WDR72: variants seen among roughly 807,000 people sequenced by gnomAD.
WDR72 encodes WD repeat-containing protein 72.
Under a neutral mutation model 124.2 loss-of-function variants are expected in WDR72, and 120 were observed. That is an observed-to-expected ratio of 0.97 (90% CI 0.83 to 1.12). The LOEUF (loss-of-function observed/expected upper bound fraction) is 1.12, where lower values mean the gene tolerates loss of function less well. Among genes scored for constraint, WDR72 ranks in the 50% most tolerant of loss-of-function variants. The pLI is 0.00. For missense variants in WDR72, 1,387 were observed against 1,278.8 expected (o/e 1.08, Z -1.29); for synonymous variants, 452 against 441.7 (o/e 1.02, Z -0.29).
At chr15:53,587,630 C>G (rs1403546226) in intron 18 of WDR72, among the ~76,000 whole-genome samples, 3 of 151,924 alleles carry the variant, frequency 2.0e-5, no homozygotes. Flanking sequence ...AAAATATTGG[C>G]TAGGATTGAG....
At chr15:53,673,474 A>G (rs955409925) in intron 13 of WDR72, among the ~76,000 whole-genome samples, 2 of 152,312 alleles carry the variant, frequency 1.3e-5, no homozygotes, top group African/African-American at 4.8e-5. Context: ...AATACATTTG[A>G]GACTAATTGA....
chr15:53,702,051 G>T, intron 12 of WDR72, 83 bp downstream of exon 12: 2 of 1,005,224 alleles, frequency 2.0e-6, no homozygotes, highest in Admixed American at 2.5e-5. Flanking sequence ...TGGAAATATG[G>T]GTCATTTTTA....
chr15:53,514,590 A>G lies in WDR72; in HGVS notation c.*3109T>C, dbSNP rs1312683791. On this transcript the variant is annotated 3_prime_UTR_variant, in exon 20 of 20. Coordinates refer to ENST00000360509, the MANE Select transcript of WDR72 (RefSeq NM_182758.4). ...TATCATCTAAAGATAGAATATTAAT[A>G]TTTAACAAACTGTATTCTACCATTT... is the stretch of plus-strand genomic sequence containing the variant. 1.3e-5 allele frequency: 2 copies of G among 152,180 alleles called. No individual in the cohort carries two copies. Among genetic ancestry groups the G allele is most frequent in the African/African-American group, 4.8e-5 (2 of 41,446 alleles). 9.4% of individuals were successfully genotyped at this position (152,180 alleles called of 1,614,324 possible). A position where few individuals can be genotyped will look rare whatever the true frequency, so the allele number is the denominator to read the frequency against.
intron 14 of WDR72, among the ~76,000 whole-genome samples, chr15:53,648,647 A>G (rs980145580): frequency 2.6e-5 from 4 of 152,138 alleles, no homozygotes; most frequent in African/African-American, 9.7e-5. Flanking sequence ...ATAACCAACC[A>G]CAAACACTTA....
chr15:53,708,867 C>T (rs999110157), intron 9 of WDR72, among the ~76,000 whole-genome samples: 1 of 152,174 alleles, frequency 6.6e-6, no homozygotes, highest in Non-Finnish European at 1.5e-5. Flanking sequence ...CCACAGGCCT[C>T]AGCAATTACC....
At chr15:53,647,828 A>T (rs1013393688) in intron 14 of WDR72, among the ~76,000 whole-genome samples, 1 of 152,154 alleles carries the variant, frequency 6.6e-6, no homozygotes, top group Admixed American at 6.6e-5. Context: ...ATCAATATAT[A>T]CATGGACAGA....
chr15:53,593,842 T>C (rs904227638), intron 18 of WDR72, among the ~76,000 whole-genome samples: 2 of 151,910 alleles, frequency 1.3e-5, no homozygotes, highest in Non-Finnish European at 2.9e-5. Context: ...TTAATGAGTA[T>C]GATAAAAAAT....
rs757748335 is a variant in WDR72, at chr15:53,705,945, A to G, written c.1084T>C (p.Phe362Leu). ...GACTTACCTCTAGGAGAACCATCAA[A>G]CTTGGATACAGGAACATCAGGGATG... ...WHIPDVPVSKFDGSPREIPVT... is the reference protein window; with the variant it reads ...WHIPDVPVSKLDGSPREIPVT... Residue 362 changes from phenylalanine (F) to leucine (L), a missense_variant, in exon 10 of 20, where the codon TTT (phenylalanine) becomes CTT (leucine). Coordinates refer to ENST00000360509, the MANE Select transcript of WDR72 (RefSeq NM_182758.4). 2.5e-6 allele frequency: 4 copies of G among 1,614,112 alleles called. No individual in the cohort carries two copies. The highest frequency in any genetic ancestry group is 3.4e-6 in the Non-Finnish European group (4 of 1,179,998).
At chr15:53,733,250 C>A (rs2018256488) in intron 1 of WDR72, 89 bp from the exon 2 acceptor site, 2 of 1,406,156 alleles carry the variant, frequency 1.4e-6, no homozygotes, top group South Asian at 1.2e-5. Flanking sequence ...TTATGATGAC[C>A]AAACTTCAAT....
intron 1 of WDR72, among the ~76,000 whole-genome samples, chr15:53,751,879 A>T (rs767053604): frequency 9.2e-5 from 14 of 152,202 alleles, no homozygotes; most frequent in Non-Finnish European, 1.5e-4. Flanking sequence ...ATTTTTATCA[A>T]TAAAATGAGG....
chr15:53,754,151 C>G (rs1189515241), intron 1 of WDR72, among the ~76,000 whole-genome samples: 1 of 152,132 alleles, frequency 6.6e-6, no homozygotes, highest in Non-Finnish European at 1.5e-5. Flanking sequence ...AGACTAAAGA[C>G]TGTTTAGTCT....
chr15:53,696,105 G>C (rs1256315053), intron 13 of WDR72, among the ~76,000 whole-genome samples: 1 of 152,024 alleles, frequency 6.6e-6, no homozygotes, highest in Non-Finnish European at 1.5e-5. Context: ...GTGGGCTCTG[G>C]AGTTGCTCTA....
rs1412574865 is a variant in WDR72 at position 53,514,029 on chromosome 15, CGAGGTGA to C, written c.*3663_*3669del. 3 of 152,090 alleles carry C rather than the reference CGAGGTGA, an allele frequency of 2.0e-5. No individual in the cohort carries two copies. Among genetic ancestry groups the C allele is most frequent in the African/African-American group, 4.8e-5 (2 of 41,412 alleles). The allele number at this position is 152,090 out of a possible 1,614,324, so 9.4% of individuals were successfully genotyped here. A position where few individuals can be genotyped will look rare whatever the true frequency, so the allele number is the denominator to read the frequency against. On this transcript the variant is annotated 3_prime_UTR_variant, in exon 20 of 20. Coordinates refer to ENST00000360509, the MANE Select transcript of WDR72 (RefSeq NM_182758.4). ...GCTCCTTCTTGAGCAAACTACAGTG[CGAGGTGA>C]TCTGGGGACTATTGTACATGAAGCC...
At chr15:53,575,576 T>C (rs1894722620) in intron 18 of WDR72, among the ~76,000 whole-genome samples, 1 of 152,118 alleles carries the variant, frequency 6.6e-6, no homozygotes, top group African/African-American at 2.4e-5. Context: ...GTGTATTGTT[T>C]TTTTAGGCAT....
intron 1 of WDR72, among the ~76,000 whole-genome samples, chr15:53,740,307 ATTTT>A (rs57166942): frequency 2.7e-4 from 36 of 132,610 alleles, no homozygotes; most frequent in Admixed American, 3.0e-4. Context: ...GATTCAACTA[ATTTT>A]TTTTTTTTTT....
intron 1 of WDR72, among the ~76,000 whole-genome samples, chr15:53,738,183 T>TA (rs1327853808): frequency 6.6e-6 from 1 of 152,054 alleles, no homozygotes; most frequent in Non-Finnish European, 1.5e-5. Context: ...GGTTTTGTAT[T>TA]AAAAAAATTA....
At chr15:53,713,193 A>G (rs1212935655) in intron 6 of WDR72, among the ~76,000 whole-genome samples, 8 of 18,130 alleles carry the variant, frequency 4.4e-4, no homozygotes, top group African/African-American at 9.7e-4. Flanking sequence ...GTATTTCTTG[A>G]AAAAAAAAAA....
intron 2 of WDR72, among the ~76,000 whole-genome samples, chr15:53,727,988 A>G (rs997109996): frequency 6.6e-6 from 1 of 152,158 alleles, no homozygotes; most frequent in African/African-American, 2.4e-5. Flanking sequence ...CACCACCATC[A>G]CTTCCAGGTA....
intron 14 of WDR72, among the ~76,000 whole-genome samples, chr15:53,621,796 C>T (rs1402391449): frequency 6.6e-6 from 1 of 151,742 alleles, no homozygotes; most frequent in African/African-American, 2.4e-5. Context: ...TGGAAATAAA[C>T]ATTTTTTAAA....
Sources: allele counts gnomAD v4.1 joint callset (sites outside exome capture counted in the v4.1 genomes callset), GRCh38; gene constraint gnomAD v4.1.1; transcripts MANE v1.5; gene names NCBI Gene and HGNC (gene_info 2026-07-23, HGNC 2026-07-21).